CDH4: variants seen among roughly 807,000 people sequenced by gnomAD.
The protein encoded by CDH4 is cadherin-4.
CDH4 carries 33 observed loss-of-function variants against 86.0 expected under a neutral mutation model. The observed-to-expected ratio is 0.38, with a 90% CI of 0.29 to 0.51. The LOEUF is 0.51. Among genes scored for constraint, CDH4 ranks in the 20% least tolerant of loss-of-function variants. The probability of loss-of-function intolerance (pLI) is 0.86; values close to 1 mark genes in which losing one functional copy is unlikely to be tolerated. For synonymous variants in CDH4, 555 were observed against 549.4 expected, an observed-to-expected ratio of 1.01 and a Z score of -0.14; for missense variants, 1,114 against 1,307.4, an observed-to-expected ratio of 0.85 and a Z score of 2.28.
chr20:61,713,906 T>A (rs979980967), intron 2 of CDH4, among the ~76,000 whole-genome samples: 4 of 152,136 alleles, frequency 2.6e-5, no homozygotes, highest in Non-Finnish European at 5.9e-5. Context: ...TGCTCAGCTT[T>A]CCCCGTGCAG....
chr20:61,600,065 C>T, intron 2 of CDH4: 1 of 617,220 alleles, frequency 1.6e-6, no homozygotes. Flanking sequence ...AACAGACTGT[C>T]TGACTCTCCG....
intron 4 of CDH4, among the ~76,000 whole-genome samples, chr20:61,808,154 G>A (rs372141967): frequency 5.3e-5 from 8 of 151,818 alleles, no homozygotes; most frequent in East Asian, 2.0e-4. Flanking sequence ...GGAAGGCTGC[G>A]GGGGCCCAGA....
chr20:61,903,616 T>C (rs2054753750), intron 8 of CDH4, among the ~76,000 whole-genome samples: 1 of 151,396 alleles, frequency 6.6e-6, no homozygotes, highest in Non-Finnish European at 1.5e-5. Context: ...TTTTCTACCA[T>C]GAGCAATTGT....
intron 2 of CDH4, among the ~76,000 whole-genome samples, chr20:61,456,187 G>A (rs1274943597): frequency 6.6e-6 from 1 of 152,148 alleles, no homozygotes; most frequent in Admixed American, 6.5e-5. Flanking sequence ...ACCTCTGTCT[G>A]CAAAACCCTC....
At chr20:61,595,472 C>CG (rs1465367691) in intron 2 of CDH4, among the ~76,000 whole-genome samples, 1 of 152,236 alleles carries the variant, frequency 6.6e-6, no homozygotes, top group Non-Finnish European at 1.5e-5. Context: ...AGTCCATGGA[C>CG]GGAAGGACGG....
At chr20:61,780,999 G>A (rs1177079030) in intron 4 of CDH4, among the ~76,000 whole-genome samples, 1 of 152,164 alleles carries the variant, frequency 6.6e-6, no homozygotes, top group Non-Finnish European at 1.5e-5. Context: ...GCTCTGCCCA[G>A]ATCCTTGGCT....
At chr20:61,596,235 G>A (rs2086556376) in intron 2 of CDH4, among the ~76,000 whole-genome samples, 1 of 152,202 alleles carries the variant, frequency 6.6e-6, no homozygotes, top group Non-Finnish European at 1.5e-5. Flanking sequence ...TGAAAATGAA[G>A]GAATGGAAGA....
intron 2 of CDH4, among the ~76,000 whole-genome samples, chr20:61,383,729 TATATG>T (rs2084932668): frequency 1.4e-5 from 2 of 140,694 alleles, no homozygotes; most frequent in Non-Finnish European, 3.0e-5. Context: ...GATATATAAA[TATATG>T]ATATATATGA....
chr20:61,929,899 C>G, intron 13 of CDH4, 57 bp downstream of exon 13: 1 of 1,402,384 alleles, frequency 7.1e-7, no homozygotes, highest in Admixed American at 1.7e-5. Flanking sequence ...AGTGCCCTGT[C>G]CCAGGCATGG....
At chr20:61,439,512 G>A (rs1180648135) in intron 2 of CDH4, among the ~76,000 whole-genome samples, 1 of 152,260 alleles carries the variant, frequency 6.6e-6, no homozygotes, top group East Asian at 1.9e-4. Context: ...CCAGCTTGGA[G>A]ATATGCTGGC....
intron 4 of CDH4, among the ~76,000 whole-genome samples, chr20:61,837,544 T>C (rs1981936421): frequency 6.6e-6 from 1 of 152,186 alleles, no homozygotes; most frequent in African/African-American, 2.4e-5. Context: ...TGAGATTTTT[T>C]TCAATGGTCC....
At chr20:61,736,946 C>T (rs1177694295) in intron 2 of CDH4, among the ~76,000 whole-genome samples, 2 of 152,180 alleles carry the variant, frequency 1.3e-5, no homozygotes, top group Non-Finnish European at 2.9e-5. Context: ...AAGGGGAGAC[C>T]GGACCACCCT....
In CDH4 at chr20:61,252,668, C is replaced by CCCGGGCTCCCCCG. The variant is rs2084069093; in HGVS notation, c.57+102_57+114dup. On this transcript the variant is annotated intron_variant, in intron 1 of 15. Coordinates refer to ENST00000614565, the MANE Select transcript of CDH4 (RefSeq NM_001794.5). This position sits in a 1 kb window ranked among gnomAD's most constrained non-coding sequence, Gnocchi z 4.4. ...GCGCTCACACACCCGGCGGGGCTCTCCCGGGCTCCCCCGCCGCGCTCCCCG... is the reference window on the plus strand; with the variant it reads ...GCGCTCACACACCCGGCGGGGCTCTCCCGGGCTCCCCCGCCGGGCTCCCCCGCCGCGCTCCCCG... 1.6e-6 allele frequency: 1 copy of CCCGGGCTCCCCCG among 621,200 alleles called. No homozygotes were observed. The highest frequency in any genetic ancestry group is 1.9e-5 in the African/African-American group (1 of 51,430). 38.5% of individuals were successfully genotyped at this position (621,200 alleles called of 1,614,324 possible). A position where few individuals can be genotyped will look rare whatever the true frequency, so the allele number is the denominator to read the frequency against.
chr20:61,883,767 C>T (rs552163433), intron 7 of CDH4, among the ~76,000 whole-genome samples: 1 of 152,338 alleles, frequency 6.6e-6, no homozygotes, highest in Admixed American at 6.5e-5. Context: ...CTGACGGGAC[C>T]TCCCCTGCCT....
intron 8 of CDH4, among the ~76,000 whole-genome samples, chr20:61,900,452 T>G (rs1208818312): frequency 1.3e-5 from 2 of 152,030 alleles, no homozygotes; most frequent in Non-Finnish European, 2.9e-5. Context: ...ACCTCCCGCC[T>G]CCTTGCTCCT....
intron 2 of CDH4, among the ~76,000 whole-genome samples, chr20:61,408,647 G>T (rs191699529): frequency 3.0e-3 from 463 of 152,258 alleles, no homozygotes; most frequent in African/African-American, 3.9e-3. Context: ...TGTGGGGTGC[G>T]TGGAGGTGAG....
intron 7 of CDH4, among the ~76,000 whole-genome samples, chr20:61,876,932 T>A (rs187437297): frequency 7.5e-4 from 114 of 152,288 alleles, no homozygotes; most frequent in African/African-American, 2.6e-3. Flanking sequence ...GCAACATCTG[T>A]GGACCCCTCT....
intron 4 of CDH4, among the ~76,000 whole-genome samples, chr20:61,797,087 C>G (rs867278725): frequency 2.4e-3 from 170 of 69,926 alleles, no homozygotes; most frequent in Middle Eastern, 0.023. Context: ...GGAAGAGCCC[C>G]CCCCCCCCCA....
intron 8 of CDH4, among the ~76,000 whole-genome samples, chr20:61,897,806 C>T (rs1428373730): frequency 6.6e-6 from 1 of 152,242 alleles, no homozygotes; most frequent in Non-Finnish European, 1.5e-5. Flanking sequence ...AGGTCCCAGA[C>T]CCCAGATCAC....
Sources: gnomAD v4.1 joint callset for allele counts (sites outside exome capture counted in the v4.1 genomes callset) on GRCh38, gnomAD v4.1.1 for gene constraint, Gnocchi (gnomAD v3.1) non-coding constraint, MANE v1.5 for transcripts, NCBI Gene and HGNC (gene_info 2026-07-23, HGNC 2026-07-21) for gene names.